The following SMARCA2 variants were observed in gnomAD, a reference collection of about 807,000 sequenced individuals.
The protein encoded by SMARCA2 is SWI/SNF related BAF chromatin remodeling complex subunit ATPase 2.
A neutral mutation model predicts 199.8 loss-of-function variants in SMARCA2; 61 were observed. The observed-to-expected ratio is 0.31, with a 90% CI of 0.25 to 0.38. SMARCA2 has a LOEUF of 0.38. SMARCA2 is among the 10% of genes least tolerant of loss of function. The probability of loss-of-function intolerance (pLI) is 1.00; values close to 1 mark genes in which losing one functional copy is unlikely to be tolerated. For missense variants in SMARCA2, 1,344 were observed against 2,012.2 expected (o/e 0.67, Z 6.35); for synonymous variants, 935 against 732.0 (o/e 1.28, Z -4.48).
intron 28 of SMARCA2, among the ~76,000 whole-genome samples, chr9:2,163,895 T>C (rs1375747082): frequency 6.6e-6 from 1 of 152,162 alleles, no homozygotes; most frequent in Non-Finnish European, 1.5e-5. Context: ...TTTTATGCTT[T>C]TTTTTGAGGG....
At chr9:2,125,298 C>G (rs1823639701) in intron 27 of SMARCA2, among the ~76,000 whole-genome samples, 2 of 152,104 alleles carry the variant, frequency 1.3e-5, no homozygotes, top group South Asian at 2.1e-4. Context: ...CCAGTGACCT[C>G]AGAATATGAT....
At chr9:2,101,378 T>C (rs572871056) in intron 21 of SMARCA2, among the ~76,000 whole-genome samples, 192 bp from the exon 22 acceptor site, 18 of 152,256 alleles carry the variant, frequency 1.2e-4, no homozygotes, top group Non-Finnish European at 2.2e-4. Context: ...CACAGGATAC[T>C]TTTCTGATGG....
chr9:2,119,144 A>G lies in SMARCA2; in HGVS notation c.3685-314A>G, dbSNP rs1823340428. On this transcript the variant is annotated intron_variant, in intron 25 of 33. Coordinates refer to ENST00000349721, the MANE Select transcript of SMARCA2 (RefSeq NM_003070.5). This position sits in a 1 kb window ranked among gnomAD's most constrained non-coding sequence, Gnocchi z 4.6. The stretch of plus-strand genomic sequence containing the variant: ...CATGTGAAATAGATGTCATACCCAT[A>G]TGACCAATGAGGTCACTGAAGCGAG... Among the ~76,000 whole-genome samples the G allele has an allele frequency of 6.6e-6, 1 of 152,236 alleles. No individual in the cohort carries two copies. Among genetic ancestry groups the G allele is most frequent in the African/African-American group, 2.4e-5 (1 of 41,466 alleles).
intron 27 of SMARCA2, chr9:2,157,932 G>T (rs935833037): frequency 9.3e-5 from 37 of 398,300 alleles, no homozygotes; most frequent in Non-Finnish European, 8.8e-5. Flanking sequence ...ACCCACGTGT[G>T]GCTGCTTCCC....
chr9:2,101,643 A>G (rs560256373), intron 22 of SMARCA2, 27 bp downstream of exon 22: 2 of 1,187,328 alleles, frequency 1.7e-6, no homozygotes, highest in East Asian at 2.5e-5. Context: ...TTTTTCTTTT[A>G]AAAAAAAATG....
chr9:2,021,516 C>G (rs144093198), intron 1 of SMARCA2, among the ~76,000 whole-genome samples: 2 of 152,182 alleles, frequency 1.3e-5, no homozygotes, highest in Non-Finnish European at 2.9e-5. Flanking sequence ...TACCATCCCA[C>G]TGGGAGATGC....
intron 25 of SMARCA2, among the ~76,000 whole-genome samples, chr9:2,116,915 C>G (rs2130603337): frequency 6.6e-6 from 1 of 152,270 alleles, no homozygotes; most frequent in Non-Finnish European, 1.5e-5. Context: ...GTTTTCATTG[C>G]ATATATTAGA....
chr9:2,027,189 C>A (rs1332182826), intron 1 of SMARCA2, among the ~76,000 whole-genome samples: 1 of 152,172 alleles, frequency 6.6e-6, no homozygotes, highest in African/African-American at 2.4e-5. Flanking sequence ...CACCTGTAAT[C>A]CCAGCGGTTT....
At chr9:2,111,717 A>G (rs1016659193) in intron 24 of SMARCA2, among the ~76,000 whole-genome samples, 5 of 152,138 alleles carry the variant, frequency 3.3e-5, no homozygotes, top group African/African-American at 9.7e-5. Flanking sequence ...CTTTTAAAAA[A>G]TATGCATGCC....
chr9:2,033,016 C>T lies in SMARCA2; in HGVS notation c.290C>T (p.Thr97Ile). The change falls in exon 3 of 34, where the codon ACT (threonine) becomes ATT (isoleucine). Residue 97 changes from threonine to isoleucine, a missense_variant. Thr to Ile is a moderately conservative substitution (Grantham distance 89). Around this residue, in one of 18 missense-constraint regions of SMARCA2, gnomAD observed 275 missense variants for 247.5 expected, o/e 1.11. Coordinates refer to ENST00000349721, the MANE Select transcript of SMARCA2 (RefSeq NM_003070.5). ...EDIHCGSMKG[T>I]GMRPPHPGMG... Reference sequence around the variant, plus strand: ...ATCCATTGTGGATCCATGAAGGGCACTGGTATGCGACCACCTCACCCAGGC... The same window carrying T: ...ATCCATTGTGGATCCATGAAGGGCATTGGTATGCGACCACCTCACCCAGGC... The T allele has an allele frequency of 6.2e-7, 1 of 1,613,958 alleles. No individual in the cohort carries two copies. Among genetic ancestry groups the T allele is most frequent in the Non-Finnish European group, 8.5e-7 (1 of 1,179,826 alleles).
At chr9:2,173,085 TCA>T (rs1476795162) in intron 29 of SMARCA2, among the ~76,000 whole-genome samples, 1 of 152,122 alleles carries the variant, frequency 6.6e-6, no homozygotes, top group African/African-American at 2.4e-5. Flanking sequence ...GGAAGAGAAC[TCA>T]CATAGCTCTT....
At chr9:2,055,358 A>T (rs1820305813) in intron 6 of SMARCA2, among the ~76,000 whole-genome samples, 1 of 152,232 alleles carries the variant, frequency 6.6e-6, no homozygotes, top group African/African-American at 2.4e-5. Flanking sequence ...TTAGTAAGAG[A>T]CAAGTGGAAT....
At chr9:2,091,815 G>C (rs1038492609) in intron 19 of SMARCA2, among the ~76,000 whole-genome samples, 1 of 152,102 alleles carries the variant, frequency 6.6e-6, no homozygotes, top group Admixed American at 6.6e-5. Context: ...GCATAGTGGC[G>C]TCTTGTAACT....
chr9:2,149,648 C>T (rs1300214036), intron 27 of SMARCA2, among the ~76,000 whole-genome samples: 3 of 151,618 alleles, frequency 2.0e-5, no homozygotes, highest in African/African-American at 7.3e-5. Flanking sequence ...GTCCTTCGCA[C>T]AACATGTGGG....
At chr9:2,141,728 T>C (rs1490401697) in intron 27 of SMARCA2, among the ~76,000 whole-genome samples, 2 of 152,004 alleles carry the variant, frequency 1.3e-5, no homozygotes, top group African/African-American at 4.8e-5. Context: ...ATCCAAGCCA[T>C]CTATGCAAGT....
chr9:2,019,946 A>G (rs748851007), intron 1 of SMARCA2, among the ~76,000 whole-genome samples: 8 of 152,238 alleles, frequency 5.3e-5, no homozygotes, highest in African/African-American at 1.9e-4. Flanking sequence ...ACATGGTGCC[A>G]TGAGGACAAC....
At chr9:2,075,533 A>G (rs1261081113) in intron 12 of SMARCA2, 1 of 152,294 alleles carries the variant, frequency 6.6e-6, no homozygotes, top group Non-Finnish European at 1.5e-5. Context: ...GTACTCTGCA[A>G]TGTGTGATGT....
chr9:2,077,808 G>A (rs758780209), intron 14 of SMARCA2, 32 bp downstream of exon 14: 59 of 1,573,702 alleles, frequency 3.7e-5, no homozygotes, highest in Non-Finnish European at 4.7e-5. Context: ...TCCTTGGCAA[G>A]TTGTAACCAT....
intron 9 of SMARCA2, among the ~76,000 whole-genome samples, chr9:2,061,480 G>A (rs541551896): frequency 6.6e-6 from 1 of 152,300 alleles, no homozygotes; most frequent in Admixed American, 6.5e-5. Flanking sequence ...TGAGGTGAGT[G>A]TGCACATTGG....
Sources: allele counts gnomAD v4.1 joint callset (sites outside exome capture counted in the v4.1 genomes callset), GRCh38; gene constraint gnomAD v4.1.1; regional missense constraint gnomAD v4.1.1; non-coding constraint Gnocchi (gnomAD v3.1); transcripts MANE v1.5; gene names NCBI Gene and HGNC (gene_info 2026-07-23, HGNC 2026-07-21).